The following ZFP64 variants were observed in gnomAD, a reference collection of about 807,000 sequenced individuals.
The protein encoded by ZFP64 is zinc finger protein 64.
A neutral mutation model predicts 51.6 loss-of-function variants in ZFP64; 14 were observed. The observed-to-expected ratio is 0.27, with a 90% CI of 0.18 to 0.42. The LOEUF is 0.42. Among genes scored for constraint, ZFP64 ranks in the 10% least tolerant of loss-of-function variants. The pLI, the probability that ZFP64 is intolerant of heterozygous loss-of-function variation, is 1.00. For synonymous variants in ZFP64, 375 were observed against 361.4 expected (o/e 1.04, Z -0.43); for missense variants, 754 against 906.8 (o/e 0.83, Z 2.16).
intron 5 of ZFP64, among the ~76,000 whole-genome samples, chr20:52,143,042 AT>A (rs1402987116): frequency 7.0e-6 from 1 of 142,242 alleles, no homozygotes; most frequent in Non-Finnish European, 1.6e-5. Context: ...GATTGTCAGC[AT>A]TTTTTTAGCA....
intron 5 of ZFP64, among the ~76,000 whole-genome samples, chr20:52,099,481 TGA>T (rs2079028255): frequency 6.6e-6 from 1 of 152,184 alleles, no homozygotes; most frequent in African/African-American, 2.4e-5. Flanking sequence ...AAGCAAAGAC[TGA>T]GAGACTTGAG....
In ZFP64 at chr20:52,153,232, G is replaced by A; in HGVS notation, c.960C>T (p.Cys320=). 6.2e-7 allele frequency: 1 copy of A among 1,614,232 alleles called. No homozygotes were observed. Among genetic ancestry groups the A allele is most frequent in the African/African-American group, 1.3e-5 (1 of 75,068 alleles). Residue 320 remains cysteine (C), a synonymous_variant, in exon 6 of 6, where the codon TGC becomes TGT. Coordinates refer to ENST00000216923, the MANE Select transcript of ZFP64 (RefSeq NM_018197.3). The surrounding 1 kb of genome is among the most constrained non-coding windows in gnomAD (Gnocchi z 5.1). ...TGGCTTTGCTGTCACCCAGGAAGTC[G>A]CAATGAGGACACTTGAAGTTATTCC... is the stretch of plus-strand genomic sequence containing the variant. The part of the protein sequence containing the change: ...HSGNNFKCPH[C]DFLGDSKATL...
chr20:52,138,192 G>T (rs566851363), intron 5 of ZFP64, among the ~76,000 whole-genome samples: 113 of 151,918 alleles, frequency 7.4e-4, no homozygotes, highest in African/African-American at 2.3e-3. Context: ...GGGAGACAGA[G>T]ACCCTATCTC....
chr20:52,134,397 G>A (rs923027641), intron 5 of ZFP64, among the ~76,000 whole-genome samples: 14 of 152,152 alleles, frequency 9.2e-5, no homozygotes, highest in African/African-American at 3.4e-4. Flanking sequence ...TTTTACAGCA[G>A]AGTCACTGAT....
At chr20:52,117,510 T>G (rs895487375) in intron 5 of ZFP64, 3 of 377,166 alleles carry the variant, frequency 8.0e-6, no homozygotes, top group African/African-American at 2.1e-5. Flanking sequence ...TCCCAGCTAC[T>G]CGGGAGGCTG....
At chr20:52,089,194 G>A (rs1600683934) in intron 7 of ZFP64, 1 of 307,350 alleles carries the variant, frequency 3.3e-6, no homozygotes. Context: ...ACCCTTCCAG[G>A]CTGATCATAT....
chr20:52,088,723 G>T, intron 7 of ZFP64: 1 of 1,586,742 alleles, frequency 6.3e-7, no homozygotes. Flanking sequence ...GATAGCCTGG[G>T]CATATGGGTG....
At chr20:52,115,807 G>C (rs1424926013) in intron 5 of ZFP64, among the ~76,000 whole-genome samples, 11 of 150,490 alleles carry the variant, frequency 7.3e-5, no homozygotes, top group Admixed American at 2.6e-4. Context: ...CTCTCTCTGT[G>C]TGTGTGAACA....
chr20:52,175,633 C>G (rs1983129810), intron 2 of ZFP64, among the ~76,000 whole-genome samples: 2 of 152,108 alleles, frequency 1.3e-5, no homozygotes. Context: ...TCCCTTGAGG[C>G]CAGGAGTTTG....
At chr20:52,165,628 C>G (rs953009753) in intron 3 of ZFP64, 1 of 687,590 alleles carries the variant, frequency 1.5e-6, no homozygotes, top group African/African-American at 1.8e-5. Flanking sequence ...GAAATTTTCA[C>G]GAGTTCCACT....
In ZFP64 at chr20:52,160,987, C is replaced by A; in HGVS notation, c.512-613G>T. 6.6e-6 allele frequency among the ~76,000 whole-genome samples: 1 copy of A among 151,634 alleles called. No individual in the cohort carries two copies. Among genetic ancestry groups the A allele is most frequent in the Admixed American group, 6.6e-5 (1 of 15,150 alleles). ...GAGGGCAGGTGAGTGAGTCGGTGAGCGCAGGTGAGTGAGCAGGTGAGGGCA... is the reference window on the plus strand; with the variant it reads ...GAGGGCAGGTGAGTGAGTCGGTGAGAGCAGGTGAGTGAGCAGGTGAGGGCA... On this transcript the variant is annotated intron_variant, in intron 4 of 5. Transcript: ENST00000216923. This position sits in a 1 kb window ranked among gnomAD's most constrained non-coding sequence, Gnocchi z 4.2.
chr20:52,164,934 G>C, intron 3 of ZFP64, 177 bp from the exon 4 acceptor site: 1 of 698,604 alleles, frequency 1.4e-6, no homozygotes, highest in Non-Finnish European at 2.6e-6. Context: ...TCATTTTGTG[G>C]TTCCTGCCAA....
In ZFP64 at chr20:52,186,864, C is replaced by T. The variant is rs762478041; in HGVS notation, c.254G>A (p.Arg85Lys). ...VPATQTQTTT[R>K]TITSETQTIT... ...TGTCTGGGTCTCCGAGGTGATGGTT[C>T]TGGTGGTGGTCTGAGTCTGGGTGGC... is the stretch of plus-strand genomic sequence containing the variant. The change falls in exon 2 of 6, where the codon AGA becomes AAA. Residue 85 changes from arginine (R) to lysine (K), a missense_variant. Physicochemically the swap from Arg to Lys is conservative, Grantham distance 26. Transcript: ENST00000216923. 1 of 1,613,026 alleles carries T rather than the reference C, an allele frequency of 6.2e-7. No individual in the cohort carries two copies. The highest frequency in any genetic ancestry group is 2.2e-5 in the East Asian group (1 of 44,846).
chr20:52,181,104 G>A (rs1364680987), intron 2 of ZFP64, among the ~76,000 whole-genome samples: 3 of 151,824 alleles, frequency 2.0e-5, no homozygotes, highest in African/African-American at 2.4e-5. Context: ...CACCATGCCC[G>A]GCTAATTTTT....
At chr20:52,116,191 A>G (rs6096764) in intron 5 of ZFP64, among the ~76,000 whole-genome samples, 26,513 of 149,736 alleles carry the variant, frequency 0.18, 2,467 homozygotes, top group Non-Finnish European at 0.21. Context: ...GCTGGAGTGC[A>G]GTGGTGGGAT....
Position 52,160,368 on chromosome 20 carries a change from T to C in ZFP64, c.518A>G (p.Lys173Arg). 1 of 1,612,030 alleles carries C rather than the reference T, an allele frequency of 6.2e-7. No individual in the cohort carries two copies. The highest frequency in any genetic ancestry group is 8.5e-7 in the Non-Finnish European group (1 of 1,178,502). ...GCCACAGACTTCACACTTATGGGGTTTGTCTCCTTCAAACACATACACACA... is the reference window on the plus strand; with the variant it reads ...GCCACAGACTTCACACTTATGGGGTCTGTCTCCTTCAAACACATACACACA... ...ERHLKIHTGD[K>R]PHKCEVCGKC... The change falls in exon 5 of 6, where the codon AAA (lysine) becomes AGA (arginine). Residue 173 changes from lysine (K) to arginine (R), a missense_variant. Lys to Arg is a conservative substitution (Grantham distance 26). Coordinates refer to ENST00000216923, the MANE Select transcript of ZFP64 (RefSeq NM_018197.3). The surrounding 1 kb of genome is among the most constrained non-coding windows in gnomAD (Gnocchi z 4.2).
chr20:52,109,102 G>T (rs1978410177), intron 5 of ZFP64, among the ~76,000 whole-genome samples: 1 of 151,870 alleles, frequency 6.6e-6, no homozygotes, highest in South Asian at 2.1e-4. Flanking sequence ...TTACTATATT[G>T]TACCTGGAAC....
intron 5 of ZFP64, among the ~76,000 whole-genome samples, chr20:52,140,182 G>A (rs1980190177): frequency 6.6e-6 from 1 of 152,070 alleles, no homozygotes. Flanking sequence ...CCTATTCCCT[G>A]AGACCCAACA....
intron 2 of ZFP64, among the ~76,000 whole-genome samples, chr20:52,169,610 A>C (rs1034700940): frequency 1.3e-5 from 2 of 152,212 alleles, no homozygotes; most frequent in African/African-American, 4.8e-5. Flanking sequence ...GTCCTCTACC[A>C]TAAGCCTGGG....
Sources: allele counts gnomAD v4.1 joint callset (sites outside exome capture counted in the v4.1 genomes callset), GRCh38; gene constraint gnomAD v4.1.1; non-coding constraint Gnocchi (gnomAD v3.1); transcripts MANE v1.5; gene names NCBI Gene and HGNC (gene_info 2026-07-23, HGNC 2026-07-21).